The following PRR11 variants were observed in gnomAD, a reference collection of about 807,000 sequenced individuals.
The protein encoded by PRR11 is proline-rich protein 11.
A neutral mutation model predicts 45.6 loss-of-function variants in PRR11; 30 were observed. That is an observed-to-expected ratio of 0.66 (90% CI 0.49 to 0.89). PRR11 has a LOEUF of 0.89. PRR11 is among the 40% of genes least tolerant of loss of function. The pLI, the probability that PRR11 is intolerant of heterozygous loss-of-function variation, is 0.00. For missense variants in PRR11, 373 were observed against 424.8 expected (o/e 0.88, Z 1.07); for synonymous variants, 128 against 153.5 (o/e 0.83, Z 1.23).
Position 59,204,870 on chromosome 17 carries a change from A to C in PRR11, c.*3239A>C, listed in dbSNP as rs2046910824. Among the ~76,000 whole-genome samples, 2 of 151,954 alleles carry C rather than the reference A, an allele frequency of 1.3e-5. No homozygotes were observed. The highest frequency in any genetic ancestry group is 4.8e-5 in the African/African-American group (2 of 41,392). On this transcript the variant is annotated 3_prime_UTR_variant, in exon 10 of 10. Transcript: ENST00000262293. The stretch of plus-strand genomic sequence containing the variant: ...ATTGCAAGACCCCAACTCTACAAAA[A>C]ACGAAAAATTAGCCGGGAGCGGTGA...
In PRR11 at chr17:59,161,271, G is replaced by A. The variant is rs1409483953; in HGVS notation, c.-6+5466G>A. Among the ~76,000 whole-genome samples the A allele has an allele frequency of 3.9e-5, 6 of 152,102 alleles. No homozygotes were observed. The South Asian group carries it at 8.3e-4, about 21-fold the overall frequency. On this transcript the variant is annotated intron_variant, in intron 1 of 9. Transcript: ENST00000262293. ...AAAATACAAAAATTAGCTGGGCGTG[G>A]TAGTGTGTGCCTGTAGTCCCAGCTA...
At chr17:59,199,327 ATCATGGC>A (rs1334109387) in intron 9 of PRR11, among the ~76,000 whole-genome samples, 16 of 152,322 alleles carry the variant, frequency 1.1e-4, no homozygotes, top group African/African-American at 3.8e-4. Flanking sequence ...GGGGTGAGGG[ATCATGGC>A]CTATTCAAGG....
intron 2 of PRR11, chr17:59,175,051 G>T: frequency 1.6e-6 from 1 of 606,964 alleles, no homozygotes; most frequent in Non-Finnish European, 2.9e-6. Context: ...ATCTGGGAGT[G>T]GTTCTTCCCG....
chr17:59,172,735 C>T (rs1040326586), intron 2 of PRR11, among the ~76,000 whole-genome samples: 7 of 152,230 alleles, frequency 4.6e-5, no homozygotes, highest in Admixed American at 2.0e-4. Flanking sequence ...CTCGATTTCT[C>T]GCCGGGCCTC....
chr17:59,179,791 C>G, intron 2 of PRR11: 2 of 1,360,012 alleles, frequency 1.5e-6, no homozygotes, highest in Non-Finnish European at 1.0e-6. Context: ...CTGGCTCCTC[C>G]TCCGATGACT....
chr17:59,200,312 T>C (rs2046886142), intron 9 of PRR11, among the ~76,000 whole-genome samples: 1 of 152,166 alleles, frequency 6.6e-6, no homozygotes, highest in South Asian at 2.1e-4. Context: ...AATAGGGACA[T>C]GGCAGAGTGT....
chr17:59,201,688 C>T lies in PRR11; in HGVS notation c.*57C>T. Reference sequence around the variant, plus strand: ...CATAACAAATACAGATAAAAACACCCAGCTGGGTGCAGTGGCTCACACCTG... The same window carrying T: ...CATAACAAATACAGATAAAAACACCTAGCTGGGTGCAGTGGCTCACACCTG... On this transcript the variant is annotated 3_prime_UTR_variant, in exon 10 of 10. Coordinates refer to ENST00000262293, the MANE Select transcript of PRR11 (RefSeq NM_018304.4). The T allele has an allele frequency of 6.4e-7, 1 of 1,559,822 alleles. No individual in the cohort carries two copies. Among genetic ancestry groups the T allele is most frequent in the Admixed American group, 1.7e-5 (1 of 59,856 alleles).
At chr17:59,189,577 G>T (rs548959435) in intron 4 of PRR11, among the ~76,000 whole-genome samples, 1 of 152,090 alleles carries the variant, frequency 6.6e-6, no homozygotes, top group East Asian at 1.9e-4. Context: ...CAAGTGATCT[G>T]CCTGCCTCGG....
At chr17:59,180,501 T>TTTTTTTGTTG (rs1555716472) in intron 2 of PRR11, among the ~76,000 whole-genome samples, 2 of 116,188 alleles carry the variant, frequency 1.7e-5, no homozygotes, top group African/African-American at 7.1e-5. Flanking sequence ...TCCTTGTTTT[T>TTTTTTTGTTG]TTTTTTTTGT....
chr17:59,173,575 T>C (rs2046724255), intron 2 of PRR11, among the ~76,000 whole-genome samples: 1 of 152,156 alleles, frequency 6.6e-6, no homozygotes, highest in African/African-American at 2.4e-5. Flanking sequence ...GCAGCTTCAC[T>C]ACTGAAGCCA....
intron 1 of PRR11, among the ~76,000 whole-genome samples, chr17:59,158,605 C>T (rs796737188): frequency 6.6e-6 from 1 of 151,968 alleles, no homozygotes; most frequent in African/African-American, 2.4e-5. Context: ...CGGCAATTGA[C>T]AATTGGTAAA....
chr17:59,180,885 T>G (rs974715520), intron 2 of PRR11, among the ~76,000 whole-genome samples: 1 of 151,670 alleles, frequency 6.6e-6, no homozygotes, highest in African/African-American at 2.4e-5. Flanking sequence ...CACTGCAGCC[T>G]CAAAGTCCTG....
At chr17:59,170,043 A>C (rs984418950) in intron 2 of PRR11, among the ~76,000 whole-genome samples, 163 bp downstream of exon 2, 4 of 152,182 alleles carry the variant, frequency 2.6e-5, no homozygotes, top group Admixed American at 6.5e-5. Flanking sequence ...ACCTGAGGTC[A>C]GGAGTTCAAG....
In PRR11 at chr17:59,205,198, T is replaced by C. The variant is rs1425340503; in HGVS notation, c.*3567T>C. On this transcript the variant is annotated 3_prime_UTR_variant, in exon 10 of 10. Transcript: ENST00000262293. Reference sequence around the variant, plus strand: ...ACTGATTTTTATGACAGATTTTATATTGTAACCATTCGAGAACTCTGTAAG... The same window carrying C: ...ACTGATTTTTATGACAGATTTTATACTGTAACCATTCGAGAACTCTGTAAG... Among the ~76,000 whole-genome samples, 1 of 152,328 alleles carries C rather than the reference T, an allele frequency of 6.6e-6. No individual in the cohort carries two copies. Among genetic ancestry groups the C allele is most frequent in the Admixed American group, 6.5e-5 (1 of 15,280 alleles).
chr17:59,156,054 T>C (rs2046621710), intron 1 of PRR11, among the ~76,000 whole-genome samples: 1 of 152,214 alleles, frequency 6.6e-6, no homozygotes, highest in Non-Finnish European at 1.5e-5. Context: ...GCCTTCCTTT[T>C]GAACATTTCT....
At chr17:59,185,309 T>A (rs564027719) in intron 3 of PRR11, 105 bp downstream of exon 3, 1 of 1,516,484 alleles carries the variant, frequency 6.6e-7, no homozygotes, top group African/African-American at 1.4e-5. Flanking sequence ...TAAACTTAGA[T>A]AAGATGAAAT....
chr17:59,173,467 C>T (rs1457281793), intron 2 of PRR11, among the ~76,000 whole-genome samples: 1 of 152,232 alleles, frequency 6.6e-6, no homozygotes, highest in Non-Finnish European at 1.5e-5. Flanking sequence ...AGGTCTGCAG[C>T]TTCACTTCTG....
At chr17:59,193,380 A>T in intron 4 of PRR11, 112 bp from the exon 5 acceptor site, 1 of 1,289,664 alleles carries the variant, frequency 7.8e-7, no homozygotes, top group Non-Finnish European at 1.1e-6. Context: ...CAGGAAGCAC[A>T]TGGTACGCTG....
intron 1 of PRR11, among the ~76,000 whole-genome samples, chr17:59,157,892 G>C (rs1217354413): frequency 6.6e-6 from 1 of 152,148 alleles, no homozygotes; most frequent in Admixed American, 6.6e-5. Flanking sequence ...AGAAGGAAAG[G>C]CTGATAGAAA....
Sources: allele counts gnomAD v4.1 joint callset (sites outside exome capture counted in the v4.1 genomes callset), GRCh38; gene constraint gnomAD v4.1.1; transcripts MANE v1.5; gene names NCBI Gene and HGNC (gene_info 2026-07-23, HGNC 2026-07-21).